ZNF469: variants seen among roughly 807,000 people sequenced by gnomAD.
The protein encoded by ZNF469 is zinc finger protein 469.
Under a neutral mutation model 1.0 loss-of-function variants are expected in ZNF469, and 1 was observed. That is an observed-to-expected ratio of 1.00 (90% CI 0.35 to 4.73). ZNF469 has a LOEUF of 4.73. ZNF469 is among the 30% of genes most tolerant of loss of function. ZNF469 has a pLI of 0.16. For synonymous variants in ZNF469, 2,703 were observed against 2,363.4 expected, an observed-to-expected ratio of 1.14 and a Z score of -4.17; for missense variants, 6,100 against 5,356.3, an observed-to-expected ratio of 1.14 and a Z score of -4.33.
intron 1 of ZNF469, among the ~76,000 whole-genome samples, chr16:88,417,672 G>A (rs1905340904): frequency 6.6e-6 from 1 of 152,224 alleles, no homozygotes; most frequent in African/African-American, 2.4e-5. Flanking sequence ...GGCAGCTGGC[G>A]TTTGCTGGGC....
At chr16:88,317,053 G>A in the ZNF469 span, among the ~76,000 whole-genome samples, 1 of 152,204 alleles carries the variant, frequency 6.6e-6, no homozygotes, top group Non-Finnish European at 1.5e-5. Flanking sequence ...GTAGATGGTG[G>A]GGCTCTGGCA....
the ZNF469 span, among the ~76,000 whole-genome samples, chr16:88,292,798 C>CAAAAA: frequency 9.0e-6 from 1 of 111,098 alleles, no homozygotes; most frequent in African/African-American, 3.5e-5. Flanking sequence ...CCTGTGTTAT[C>CAAAAA]AAAAAAAAAA....
the ZNF469 span, among the ~76,000 whole-genome samples, chr16:88,313,825 T>C: frequency 2.6e-5 from 4 of 151,432 alleles, no homozygotes; most frequent in South Asian, 2.1e-4. Context: ...ATTCAGGCAG[T>C]GCTGGTGTGG....
the ZNF469 span, among the ~76,000 whole-genome samples, chr16:88,334,577 G>C: frequency 6.6e-6 from 1 of 152,210 alleles, no homozygotes; most frequent in African/African-American, 2.4e-5. Flanking sequence ...TGATTCATCT[G>C]TCCCAGAAGG....
At chr16:88,182,196 C>G in the ZNF469 span, among the ~76,000 whole-genome samples, 1 of 151,946 alleles carries the variant, frequency 6.6e-6, no homozygotes. Context: ...TTACTTAAAA[C>G]TATAAGATGT....
At chr16:88,209,785 A>T in the ZNF469 span, among the ~76,000 whole-genome samples, 1 of 152,218 alleles carries the variant, frequency 6.6e-6, no homozygotes, top group Non-Finnish European at 1.5e-5. Flanking sequence ...TGGGCATACC[A>T]CAGTTCATTC....
chr16:88,434,686 G>A lies in ZNF469; in HGVS notation c.7216G>A (p.Gly2406Arg), dbSNP rs1398378361. Residue 2406 changes from glycine to arginine, a missense_variant, in exon 3 of 3, where the codon GGA (glycine) becomes AGA (arginine). Coordinates refer to ENST00000565624, the MANE Select transcript of ZNF469 (RefSeq NM_001367624.2). ...CTGCCCTTCCACAGGACTGGGCTTG[G>A]GAAGAACCACAGCCCCAAGCAGCAC... ...VTCPSTGLGL[G>R]RTTAPSSTAS... The A allele has an allele frequency of 1.9e-6, 3 of 1,550,230 alleles. No homozygotes were observed. The highest frequency in any genetic ancestry group is 2.7e-5 in the African/African-American group (2 of 73,032).
intron 1 of ZNF469, among the ~76,000 whole-genome samples, chr16:88,395,810 A>G (rs1016423235): frequency 5.9e-5 from 9 of 152,180 alleles, no homozygotes; most frequent in Non-Finnish European, 1.3e-4. Flanking sequence ...CGGGGTGCAC[A>G]TGGCCCAGGA....
At chr16:88,423,488 G>A (rs563519273) in intron 1 of ZNF469, among the ~76,000 whole-genome samples, 1 of 152,304 alleles carries the variant, frequency 6.6e-6, no homozygotes, top group South Asian at 2.1e-4. Flanking sequence ...ATTGCTAGGA[G>A]GGGCATGAGT....
At chr16:88,219,305 T>G in the ZNF469 span, among the ~76,000 whole-genome samples, 2 of 142,410 alleles carry the variant, frequency 1.4e-5, no homozygotes, top group African/African-American at 5.4e-5. Flanking sequence ...GAGCCCGCAT[T>G]GCCAAGTCAA....
the ZNF469 span, among the ~76,000 whole-genome samples, chr16:88,201,903 G>T: frequency 6.6e-6 from 1 of 152,220 alleles, no homozygotes; most frequent in Admixed American, 6.5e-5. This position sits in a 1 kb window ranked among gnomAD's most constrained non-coding sequence, Gnocchi z 5.0. Context: ...CCCACAGGTG[G>T]TGGGGGCCGT....
the ZNF469 span, among the ~76,000 whole-genome samples, chr16:88,298,258 C>T: frequency 2.2e-4 from 33 of 152,332 alleles, no homozygotes; most frequent in Middle Eastern, 0.01. Context: ...CTCCCATAGG[C>T]AGCGGCACCC....
At chr16:88,239,279 T>A in the ZNF469 span, among the ~76,000 whole-genome samples, 2 of 152,180 alleles carry the variant, frequency 1.3e-5, no homozygotes, top group African/African-American at 4.8e-5. Flanking sequence ...GGGAAAAAAT[T>A]GAAAAGTAGT....
At chr16:88,415,899 G>A (rs1246501266) in intron 1 of ZNF469, among the ~76,000 whole-genome samples, 1 of 152,228 alleles carries the variant, frequency 6.6e-6, no homozygotes, top group African/African-American at 2.4e-5. Flanking sequence ...AGCTGGGGCG[G>A]CAGGCACGCA....
the ZNF469 span, among the ~76,000 whole-genome samples, chr16:88,181,112 C>T: frequency 6.6e-6 from 1 of 151,884 alleles, no homozygotes; most frequent in East Asian, 1.9e-4. Context: ...TCGCTGTCGC[C>T]CAGGCTGGAG....
chr16:88,432,036 G>A lies in ZNF469; in HGVS notation c.4566G>A (p.Lys1522=). Residue 1522 remains lysine (K), a synonymous_variant, in exon 3 of 3, where the codon AAG becomes AAA. Transcript: ENST00000565624. ...PSHFPDLSGG[K]VLSKTCPPER... is the part of the protein sequence containing the mutation. ...ATTTTCCTGATCTCTCGGGGGGAAAGGTGCTCAGTAAGACGTGTCCCCCTG... is the reference window on the plus strand; with the variant it reads ...ATTTTCCTGATCTCTCGGGGGGAAAAGTGCTCAGTAAGACGTGTCCCCCTG... 1.3e-6 allele frequency: 2 copies of A among 1,550,524 alleles called. No individual in the cohort carries two copies. The highest frequency in any genetic ancestry group is 2.4e-5 in the East Asian group (1 of 40,916).
At chr16:88,170,437 A>T in the ZNF469 span, among the ~76,000 whole-genome samples, 2 of 152,008 alleles carry the variant, frequency 1.3e-5, no homozygotes, top group African/African-American at 4.8e-5. This position sits in a 1 kb window ranked among gnomAD's most constrained non-coding sequence, Gnocchi z 4.2. Flanking sequence ...ACACCTCCCC[A>T]TTCCCTCCCT....
chr16:88,223,328 T>C, the ZNF469 span, among the ~76,000 whole-genome samples: 2 of 152,248 alleles, frequency 1.3e-5, no homozygotes, highest in Non-Finnish European at 2.9e-5. Flanking sequence ...CTCTCTTGCC[T>C]GCTGCCATGT....
At chr16:88,159,439 C>G in the ZNF469 span, among the ~76,000 whole-genome samples, 1 of 152,082 alleles carries the variant, frequency 6.6e-6, no homozygotes, top group Non-Finnish European at 1.5e-5. Context: ...TCCTGGGGGA[C>G]AGGCCATGGC....
Sources: gnomAD v4.1 joint callset for allele counts (sites outside exome capture counted in the v4.1 genomes callset) on GRCh38, gnomAD v4.1.1 for gene constraint, Gnocchi (gnomAD v3.1) non-coding constraint, MANE v1.5 for transcripts, NCBI Gene and HGNC (gene_info 2026-07-23, HGNC 2026-07-21) for gene names.